GPC6: variants seen among roughly 807,000 people sequenced by gnomAD.
GPC6 encodes the protein glypican-6.
Under a neutral mutation model 55.2 loss-of-function variants are expected in GPC6, and 14 were observed. The ratio of observed to expected loss-of-function variants is 0.25; its 90% CI spans 0.17 to 0.40. GPC6 has a LOEUF of 0.40. Ranked by LOEUF, GPC6 falls within the 10% of genes least tolerant of loss-of-function variation. The probability of loss-of-function intolerance (pLI) is 1.00; values close to 1 mark genes in which losing one functional copy is unlikely to be tolerated. For missense variants in GPC6, 641 were observed against 708.5 expected (o/e 0.90, Z 1.08); for synonymous variants, 278 against 259.6 (o/e 1.07, Z -0.68).
intron 2 of GPC6, among the ~76,000 whole-genome samples, chr13:93,768,113 G>A (rs1222650657): frequency 6.6e-6 from 1 of 152,114 alleles, no homozygotes; most frequent in African/African-American, 2.4e-5. Flanking sequence ...CATGTGGCGT[G>A]GAGGCCACAT....
intron 4 of GPC6, among the ~76,000 whole-genome samples, chr13:94,263,336 T>C (rs577768116): frequency 6.6e-6 from 1 of 152,376 alleles, no homozygotes; most frequent in Admixed American, 6.5e-5. Flanking sequence ...GTTTAACACC[T>C]GCTACGCAAT....
intron 1 of GPC6, among the ~76,000 whole-genome samples, chr13:93,271,638 G>C (rs1386505066): frequency 6.6e-6 from 1 of 152,058 alleles, no homozygotes; most frequent in African/African-American, 2.4e-5. Context: ...TCAAGTGAGT[G>C]GTTTAAATAT....
intron 2 of GPC6, among the ~76,000 whole-genome samples, chr13:93,632,253 T>C (rs1300235133): frequency 2.0e-5 from 3 of 152,146 alleles, no homozygotes; most frequent in Non-Finnish European, 4.4e-5. Flanking sequence ...ATATCATTGG[T>C]GCTGACAGTG....
chr13:93,745,143 T>G (rs1422777666), intron 2 of GPC6, among the ~76,000 whole-genome samples: 1 of 152,060 alleles, frequency 6.6e-6, no homozygotes, highest in Non-Finnish European at 1.5e-5. Context: ...GATCTTAGGC[T>G]CTCAACTCTC....
At chr13:93,836,124 C>T (rs572161868) in intron 3 of GPC6, 1 of 152,190 alleles carries the variant, frequency 6.6e-6, no homozygotes, top group South Asian at 2.1e-4. Flanking sequence ...CCCAACTAAA[C>T]AGCTTTGCAT....
At chr13:93,613,534 C>CAAA (rs1878583874) in intron 2 of GPC6, among the ~76,000 whole-genome samples, 3 of 127,974 alleles carry the variant, frequency 2.3e-5, no homozygotes, top group African/African-American at 1.0e-4. Context: ...ACACAAAACA[C>CAAA]ACACACACAC....
intron 3 of GPC6, among the ~76,000 whole-genome samples, chr13:93,937,533 T>A (rs2140359791): frequency 6.6e-6 from 1 of 152,322 alleles, no homozygotes; most frequent in East Asian, 1.9e-4. Flanking sequence ...CTACATGTAG[T>A]ACTTTCAAAA....
chr13:93,891,169 G>C (rs1168569392), intron 3 of GPC6, among the ~76,000 whole-genome samples: 3 of 152,040 alleles, frequency 2.0e-5, no homozygotes, highest in Non-Finnish European at 4.4e-5. Context: ...TTACTTTAAT[G>C]TTCACAGTGT....
intron 4 of GPC6, among the ~76,000 whole-genome samples, chr13:94,245,294 C>T (rs1056144270): frequency 7.2e-5 from 11 of 151,806 alleles, no homozygotes; most frequent in African/African-American, 2.7e-4. Flanking sequence ...TGTGGTGGCT[C>T]ATGCTTGTAA....
intron 1 of GPC6, among the ~76,000 whole-genome samples, chr13:93,407,848 G>A (rs1876351301): frequency 6.6e-6 from 1 of 152,136 alleles, no homozygotes; most frequent in Non-Finnish European, 1.5e-5. Context: ...TCATATGGCT[G>A]TGTAAAGATT....
intron 2 of GPC6, among the ~76,000 whole-genome samples, chr13:93,593,381 G>C (rs1262226005): frequency 6.6e-6 from 1 of 152,100 alleles, no homozygotes; most frequent in African/African-American, 2.4e-5. Flanking sequence ...GTGACCTTCT[G>C]CGTAATATTG....
chr13:93,294,120 T>G (rs1198526638), intron 1 of GPC6, among the ~76,000 whole-genome samples: 1 of 152,196 alleles, frequency 6.6e-6, no homozygotes, highest in African/African-American at 2.4e-5. Flanking sequence ...AATAGTGAAT[T>G]ATTTTCTATT....
chr13:94,275,196 G>A (rs963289376), intron 4 of GPC6, among the ~76,000 whole-genome samples: 3 of 152,088 alleles, frequency 2.0e-5, no homozygotes, highest in African/African-American at 7.2e-5. Flanking sequence ...CAAAATCCTT[G>A]CCTTTTTGAA....
chr13:93,629,806 CTT>C (rs1480486284), intron 2 of GPC6, among the ~76,000 whole-genome samples: 2 of 152,140 alleles, frequency 1.3e-5, no homozygotes, highest in Non-Finnish European at 2.9e-5. Flanking sequence ...CACAGCATTC[CTT>C]TTTTTCTTTC....
chr13:94,042,145 G>GT (rs1883562599), intron 4 of GPC6, among the ~76,000 whole-genome samples: 1 of 151,588 alleles, frequency 6.6e-6, no homozygotes. Context: ...TTGTTTAAAA[G>GT]TATGTGGCAC....
intron 2 of GPC6, among the ~76,000 whole-genome samples, chr13:93,683,284 T>C (rs1272422549): frequency 6.6e-6 from 1 of 152,050 alleles, no homozygotes; most frequent in Non-Finnish European, 1.5e-5. Flanking sequence ...TTTTTTGGTA[T>C]TTCTGCTTTA....
rs1022439697 is a variant in GPC6, at chr13:93,561,403, C to T, written c.319+15982C>T. Among the ~76,000 whole-genome samples, 5 of 55,012 alleles carry T rather than the reference C, an allele frequency of 9.1e-5. 1 individual carries two copies. The highest frequency in any genetic ancestry group is 7.5e-4 in the South Asian group (2 of 2,650). 36.1% of individuals were successfully genotyped at this position (55,012 alleles called of 152,430 possible). The stretch of plus-strand genomic sequence containing the variant: ...CAATAATTGCATACTATATCCCTAT[C>T]GATATATATATATATATATATATTT... On this transcript the variant is annotated intron_variant, in intron 2 of 8. Coordinates refer to ENST00000377047, the MANE Select transcript of GPC6 (RefSeq NM_005708.5).
intron 6 of GPC6, among the ~76,000 whole-genome samples, chr13:94,317,448 T>C (rs1876598482): frequency 6.6e-6 from 1 of 152,180 alleles, no homozygotes; most frequent in Non-Finnish European, 1.5e-5. Flanking sequence ...GAAGAAAACA[T>C]AGAGGCAGCA....
chr13:93,789,299 C>T (rs1885914702), intron 2 of GPC6, among the ~76,000 whole-genome samples: 1 of 151,670 alleles, frequency 6.6e-6, no homozygotes, highest in Admixed American at 6.6e-5. Flanking sequence ...CTGGGGTTGT[C>T]AATAATCCGT....
Sources: gnomAD v4.1 joint callset for allele counts (sites outside exome capture counted in the v4.1 genomes callset) on GRCh38, gnomAD v4.1.1 for gene constraint, MANE v1.5 for transcripts, NCBI Gene and HGNC (gene_info 2026-07-23, HGNC 2026-07-21) for gene names.